Variants in AFF3 observed in about 807,000 individuals in gnomAD.
The protein encoded by AFF3 is ALF transcription elongation factor 3, also known as AF4/FMR2 family member 3.
In AFF3, 32 loss-of-function variants were observed where a neutral mutation model predicts 129.7. The ratio of observed to expected loss-of-function variants is 0.25; its 90% confidence interval spans 0.19 to 0.33. The LOEUF (loss-of-function observed/expected upper bound fraction) is 0.33. Ranked by LOEUF, AFF3 falls within the 10% of genes least tolerant of loss-of-function variation. The pLI, the probability that AFF3 is intolerant of heterozygous loss-of-function variation, is 1.00. For synonymous variants in AFF3, 644 were observed against 635.4 expected (o/e 1.01, Z -0.20); for missense variants, 1,373 against 1,592.0 (o/e 0.86, Z 2.34).
chr2:99,932,216 T>C (rs1049573556), intron 7 of AFF3, among the ~76,000 whole-genome samples: 2 of 152,204 alleles, frequency 1.3e-5, no homozygotes, highest in African/African-American at 2.4e-5. Flanking sequence ...TGCGATTTTT[T>C]TTTAGCTCAT....
intron 4 of AFF3, among the ~76,000 whole-genome samples, chr2:100,067,290 T>C (rs192223906): frequency 5.9e-5 from 9 of 151,844 alleles, no homozygotes; most frequent in South Asian, 2.1e-4. Context: ...CAGTCCAATA[T>C]ACAGCCAAAG....
chr2:99,958,998 A>T (rs961011463), intron 7 of AFF3, among the ~76,000 whole-genome samples: 1 of 151,874 alleles, frequency 6.6e-6, no homozygotes, highest in African/African-American at 2.4e-5. Flanking sequence ...TTGGGAGGCT[A>T]AGGTGGGAGG....
At chr2:99,963,984 G>A (rs1677484581) in intron 7 of AFF3, among the ~76,000 whole-genome samples, 1 of 151,998 alleles carries the variant, frequency 6.6e-6, no homozygotes, top group Non-Finnish European at 1.5e-5. Context: ...ATTAATATCA[G>A]ATAAAGTAAA....
chr2:99,822,588 T>G (rs958811584), intron 8 of AFF3, among the ~76,000 whole-genome samples: 6 of 152,160 alleles, frequency 3.9e-5, no homozygotes, highest in Non-Finnish European at 1.5e-5. Context: ...TGCTTATTCT[T>G]AACAAATCTC....
intron 1 of AFF3, among the ~76,000 whole-genome samples, chr2:100,141,494 G>A (rs1029996509): frequency 6.6e-6 from 1 of 152,176 alleles, no homozygotes; most frequent in Non-Finnish European, 1.5e-5. Flanking sequence ...TTTAATAATG[G>A]CAGAGACAAC....
At chr2:99,976,076 G>T (rs1678863044) in intron 7 of AFF3, among the ~76,000 whole-genome samples, 1 of 151,946 alleles carries the variant, frequency 6.6e-6, no homozygotes, top group Admixed American at 6.6e-5. Context: ...TCACAGCATT[G>T]CAAGGAGGAG....
chr2:99,897,397 A>G (rs1694054956), intron 7 of AFF3, among the ~76,000 whole-genome samples: 1 of 152,150 alleles, frequency 6.6e-6, no homozygotes, highest in Non-Finnish European at 1.5e-5. Context: ...ATAGAATCGT[A>G]GGAGTGAAAT....
Position 99,815,007 on chromosome 2 carries a change from C to G in AFF3, c.921+22470G>C, listed in dbSNP as rs1687108220. On this transcript the variant is annotated intron_variant, in intron 8 of 24. Transcript: ENST00000672756. ...TGGGATTACAGGCGTGTACCATCCC[C>G]CCCGGCTGATTTTTGTATTAAAATG... Among the ~76,000 whole-genome samples the G allele has an allele frequency of 2.6e-5, 4 of 151,910 alleles. No individual in the cohort carries two copies. The South Asian group carries it at 8.3e-4, about 32-fold the overall frequency.
At chr2:99,982,186 T>C (rs931950508) in intron 7 of AFF3, among the ~76,000 whole-genome samples, 1 of 152,170 alleles carries the variant, frequency 6.6e-6, no homozygotes, top group African/African-American at 2.4e-5. Flanking sequence ...AAATCTCATG[T>C]TGTAGATTCC....
At chr2:99,704,912 A>G (rs1677209224) in intron 11 of AFF3, among the ~76,000 whole-genome samples, 1 of 152,206 alleles carries the variant, frequency 6.6e-6, no homozygotes, top group Non-Finnish European at 1.5e-5. Flanking sequence ...CATCAGAGTT[A>G]GAGATCTCGA....
At chr2:99,947,511 AAG>A (rs200130544) in intron 7 of AFF3, among the ~76,000 whole-genome samples, 2 of 105,432 alleles carry the variant, frequency 1.9e-5, no homozygotes, top group Non-Finnish European at 4.0e-5. Context: ...AAGAAAGAAA[AAG>A]AGAGAGAGAG....
chr2:100,136,259 G>C (rs1176574763), intron 1 of AFF3, among the ~76,000 whole-genome samples: 1 of 152,184 alleles, frequency 6.6e-6, no homozygotes, highest in Non-Finnish European at 1.5e-5. Context: ...TCATCTGGGA[G>C]CGAATGCAGA....
At chr2:99,759,856 T>G (rs1041743812) in intron 8 of AFF3, among the ~76,000 whole-genome samples, 1 of 152,206 alleles carries the variant, frequency 6.6e-6, no homozygotes, top group Non-Finnish European at 1.5e-5. Context: ...ACTATCCTGA[T>G]TTCCTCTTCT....
chr2:99,763,312 T>C (rs1682767339), intron 8 of AFF3, among the ~76,000 whole-genome samples: 1 of 152,208 alleles, frequency 6.6e-6, no homozygotes, highest in African/African-American at 2.4e-5. Flanking sequence ...CAAACAACCT[T>C]ATTTTACCAC....
intron 4 of AFF3, among the ~76,000 whole-genome samples, chr2:100,019,766 G>GCC (rs750180133): frequency 1.7e-4 from 26 of 152,142 alleles, no homozygotes; most frequent in East Asian, 1.4e-3. Context: ...GGTCAGATGC[G>GCC]CCTCAATTTC....
intron 16 of AFF3, among the ~76,000 whole-genome samples, chr2:99,585,124 C>T (rs1042501735): frequency 2.0e-5 from 3 of 152,118 alleles, no homozygotes; most frequent in East Asian, 1.9e-4. Context: ...GAAGATAATG[C>T]GAACAGCCTG....
chr2:99,988,090 A>C (rs1680025385), intron 7 of AFF3, among the ~76,000 whole-genome samples: 1 of 152,192 alleles, frequency 6.6e-6, no homozygotes. Flanking sequence ...TGATGGATGG[A>C]TGAATGGATG....
At chr2:99,571,500 C>G (rs1286445912) in intron 18 of AFF3, among the ~76,000 whole-genome samples, 1 of 152,140 alleles carries the variant, frequency 6.6e-6, no homozygotes, top group Non-Finnish European at 1.5e-5. Context: ...ATTTTTAAAT[C>G]CTGATATGGA....
chr2:99,593,924 G>T lies in AFF3; in HGVS notation c.1737C>A (p.Ala579=). ...CAPAENAPAP[A]RRSAGKKPTR... ...TGGGCTTCTTGCCCGCGGACCTCCG[G>T]GCAGGCGCGGGCGCGTTCTCCGCGG... Residue 579 remains alanine, a synonymous_variant, in exon 15 of 25, where the codon GCC becomes GCA. Transcript: ENST00000672756. 4.3e-6 allele frequency: 6 copies of T among 1,396,844 alleles called. No homozygotes were observed. The highest frequency in any genetic ancestry group is 3.7e-6 in the Non-Finnish European group (4 of 1,077,644). 86.5% of individuals were successfully genotyped at this position (1,396,844 alleles called of 1,614,324 possible).
Sources: gnomAD v4.1 joint callset for allele counts (sites outside exome capture counted in the v4.1 genomes callset) on GRCh38, gnomAD v4.1.1 for gene constraint, MANE v1.5 for transcripts, NCBI Gene and HGNC (gene_info 2026-07-23, HGNC 2026-07-21) for gene names.